FSTL5: variants seen among roughly 807,000 people sequenced by gnomAD.
FSTL5 encodes follistatin-related protein 5.
Under a neutral mutation model 89.1 loss-of-function variants are expected in FSTL5, and 62 were observed. The observed-to-expected ratio is 0.70, with a 90% CI of 0.57 to 0.86. The LOEUF is 0.86. FSTL5 is among the 40% of genes least tolerant of loss of function. The pLI, the probability that FSTL5 is intolerant of heterozygous loss-of-function variation, is 0.00. For missense variants in FSTL5, 1,057 were observed against 1,001.6 expected, an observed-to-expected ratio of 1.06 and a Z score of -0.75; for synonymous variants, 383 against 346.2, an observed-to-expected ratio of 1.11 and a Z score of -1.18.
At chr4:161,939,335 T>C (rs1734516285) in intron 3 of FSTL5, among the ~76,000 whole-genome samples, 1 of 152,038 alleles carries the variant, frequency 6.6e-6, no homozygotes, top group African/African-American at 2.4e-5. Flanking sequence ...TTGCTTATAT[T>C]ATGGTACTTA....
intron 7 of FSTL5, among the ~76,000 whole-genome samples, chr4:161,652,074 G>A (rs1325398954): frequency 6.6e-6 from 1 of 152,102 alleles, no homozygotes; most frequent in African/African-American, 2.4e-5. Context: ...ATCGGGCTAC[G>A]TAAAAATCCC....
intron 12 of FSTL5, among the ~76,000 whole-genome samples, chr4:161,485,358 C>G (rs1227380218): frequency 6.6e-6 from 1 of 152,140 alleles, no homozygotes; most frequent in Admixed American, 6.5e-5. Flanking sequence ...CATTAAATTC[C>G]TCTGAAAACT....
intron 3 of FSTL5, among the ~76,000 whole-genome samples, chr4:161,930,706 A>G (rs1000325846): frequency 6.6e-6 from 1 of 151,740 alleles, no homozygotes; most frequent in African/African-American, 2.4e-5. Flanking sequence ...ATGCTCGTAA[A>G]CTCATTTGCT....
intron 2 of FSTL5, among the ~76,000 whole-genome samples, chr4:162,044,841 T>C (rs929712196): frequency 2.6e-5 from 4 of 152,174 alleles, no homozygotes; most frequent in African/African-American, 4.8e-5. Flanking sequence ...CTTCCAACTT[T>C]TCTTCTGCAG....
intron 3 of FSTL5, among the ~76,000 whole-genome samples, chr4:161,923,609 T>C (rs1005411717): frequency 1.3e-5 from 2 of 151,788 alleles, no homozygotes; most frequent in African/African-American, 2.4e-5. Flanking sequence ...TATTTTAGTA[T>C]TGAAGAATGA....
intron 1 of FSTL5, among the ~76,000 whole-genome samples, chr4:162,116,168 A>G (rs900024244): frequency 1.3e-5 from 2 of 152,218 alleles, no homozygotes; most frequent in Non-Finnish European, 2.9e-5. Context: ...AAGTAAGAGT[A>G]TGCAAAGAAG....
chr4:161,777,427 TA>T (rs1648675113), intron 4 of FSTL5, among the ~76,000 whole-genome samples: 1 of 152,036 alleles, frequency 6.6e-6, no homozygotes, highest in Non-Finnish European at 1.5e-5. Context: ...GGATTGCCTG[TA>T]AACTGCTGGT....
At chr4:161,487,097 G>T (rs1198395723) in intron 12 of FSTL5, among the ~76,000 whole-genome samples, 1 of 151,902 alleles carries the variant, frequency 6.6e-6, no homozygotes, top group Non-Finnish European at 1.5e-5. Context: ...TTTTTATTTT[G>T]TGACATATAA....
intron 15 of FSTL5, among the ~76,000 whole-genome samples, chr4:161,425,383 G>C (rs1578963481): frequency 6.6e-6 from 1 of 152,126 alleles, no homozygotes; most frequent in Non-Finnish European, 1.5e-5. Flanking sequence ...CAAAGAATAT[G>C]GGTGTGTCTG....
At chr4:161,456,439 G>A (rs138120991) in intron 14 of FSTL5, among the ~76,000 whole-genome samples, 258 of 152,178 alleles carry the variant, frequency 1.7e-3, no homozygotes, top group African/African-American at 5.6e-3. Context: ...CGTATTTGAC[G>A]AAGACGTATG....
At chr4:161,904,140 A>C (rs970772114) in intron 4 of FSTL5, among the ~76,000 whole-genome samples, 6 of 152,200 alleles carry the variant, frequency 3.9e-5, no homozygotes. Flanking sequence ...AGTTTTTCTT[A>C]GAATTCTCAG....
At chr4:162,130,718 T>C (rs970636345) in intron 1 of FSTL5, among the ~76,000 whole-genome samples, 6 of 152,126 alleles carry the variant, frequency 3.9e-5, no homozygotes, top group Non-Finnish European at 8.8e-5. Context: ...ATAATTAAAC[T>C]TATAACAGCA....
chr4:162,025,326 A>G (rs779636028), intron 3 of FSTL5, among the ~76,000 whole-genome samples: 1 of 152,188 alleles, frequency 6.6e-6, no homozygotes, highest in Non-Finnish European at 1.5e-5. Context: ...ATATGTTTCT[A>G]TCATGGATGT....
chr4:161,587,468 G>C lies in FSTL5; in HGVS notation c.1002C>G (p.Ile334Met). The C allele has an allele frequency of 3.1e-6, 5 of 1,613,200 alleles. No individual in the cohort carries two copies. Among genetic ancestry groups the C allele is most frequent in the Non-Finnish European group, 4.2e-6 (5 of 1,179,400 alleles). Reference sequence around the variant, plus strand: ...ATCACTTCTTACCATTCACTTGGAAGATGTGAGTCTGATAGACTTGTTCAT... The same window carrying C: ...ATCACTTCTTACCATTCACTTGGAACATGTGAGTCTGATAGACTTGTTCAT... ...DGYEQVYQTH[I>M]FQVNVPPVIR... The change falls in exon 8 of 16, where the codon ATC (isoleucine) becomes ATG (methionine). Residue 334 changes from isoleucine (I) to methionine (M), a missense_variant. This residue lies in a region of FSTL5 where 980 missense variants were observed against 903.2 expected (regional missense o/e 1.08). Transcript: ENST00000306100.
intron 15 of FSTL5, chr4:161,388,394 G>A (rs899340280): frequency 6.6e-6 from 1 of 151,934 alleles, no homozygotes; most frequent in African/African-American, 2.4e-5. Context: ...TAAACATAGT[G>A]TAGTTTTAAA....
At chr4:161,896,928 TTTTG>T (rs565171272) in intron 4 of FSTL5, among the ~76,000 whole-genome samples, 75 of 152,010 alleles carry the variant, frequency 4.9e-4, no homozygotes, top group Non-Finnish European at 2.1e-4. Flanking sequence ...TAAACAAATC[TTTTG>T]TTTGTTTGTT....
intron 3 of FSTL5, 141 bp downstream of exon 3, chr4:162,033,484 A>T: frequency 1.8e-6 from 1 of 553,698 alleles, no homozygotes; most frequent in Non-Finnish European, 3.2e-6. Context: ...TAGGGCTCAA[A>T]ATGGCTGTAA....
intron 4 of FSTL5, among the ~76,000 whole-genome samples, chr4:161,841,043 T>C (rs1323947227): frequency 6.6e-6 from 1 of 152,192 alleles, no homozygotes; most frequent in Non-Finnish European, 1.5e-5. Context: ...TCAAAGGTGC[T>C]CTTCTCATGT....
At chr4:161,599,731 T>A (rs529386637) in intron 7 of FSTL5, among the ~76,000 whole-genome samples, 1 of 152,120 alleles carries the variant, frequency 6.6e-6, no homozygotes, top group Admixed American at 6.6e-5. Context: ...TATATGGCCA[T>A]ATATTTCTGT....
Sources: allele counts gnomAD v4.1 joint callset (sites outside exome capture counted in the v4.1 genomes callset), GRCh38; gene constraint gnomAD v4.1.1; regional missense constraint gnomAD v4.1.1; transcripts MANE v1.5; gene names NCBI Gene and HGNC (gene_info 2026-07-23, HGNC 2026-07-21).